Variants in USP32 observed in about 807,000 individuals in gnomAD.
USP32 encodes the protein ubiquitin carboxyl-terminal hydrolase 32.
Under a neutral mutation model 204.8 loss-of-function variants are expected in USP32, and 59 were observed. The ratio of observed to expected loss-of-function variants is 0.29; its 90% confidence interval spans 0.23 to 0.36. The LOEUF is 0.36. USP32 is among the 10% of genes least tolerant of loss of function. USP32 has a pLI of 1.00. For synonymous variants in USP32, 517 were observed against 678.4 expected (o/e 0.76, Z 3.70); for missense variants, 1,160 against 1,946.4 (o/e 0.60, Z 7.60).
chr17:60,368,519 C>T (rs1042771642), intron 1 of USP32, among the ~76,000 whole-genome samples: 4 of 151,292 alleles, frequency 2.6e-5, no homozygotes, highest in South Asian at 2.1e-4. Flanking sequence ...AGGGCCATTG[C>T]GGTTGGGGGG....
At chr17:60,201,045 A>T (rs1394026818) in intron 26 of USP32, among the ~76,000 whole-genome samples, 1 of 152,084 alleles carries the variant, frequency 6.6e-6, no homozygotes, top group East Asian at 1.9e-4. Flanking sequence ...TTCTGTAGAG[A>T]TGGGGTTTCA....
chr17:60,217,818 A>G (rs1296130251), intron 16 of USP32, among the ~76,000 whole-genome samples: 4 of 152,188 alleles, frequency 2.6e-5, no homozygotes, highest in Middle Eastern at 3.4e-3. Context: ...GCTCACCACA[A>G]CCTTGAACTC....
intron 11 of USP32, among the ~76,000 whole-genome samples, chr17:60,240,177 C>T (rs2085840193): frequency 6.6e-6 from 1 of 152,218 alleles, no homozygotes; most frequent in African/African-American, 2.4e-5. Context: ...ATTTCCTCTG[C>T]GAATGGACCA....
chr17:60,396,954 T>C (rs6503965), upstream of USP32, among the ~76,000 whole-genome samples: 46,416 of 152,152 alleles, frequency 0.31, 12,856 homozygotes, highest in African/African-American at 0.74. Context: ...GTCTTATGGA[T>C]AGTACCACCA....
chr17:60,348,258 A>C (rs1241024334), intron 1 of USP32, among the ~76,000 whole-genome samples: 1 of 152,202 alleles, frequency 6.6e-6, no homozygotes, highest in Non-Finnish European at 1.5e-5. Flanking sequence ...AGGAGTCATC[A>C]GTATAGAGGT....
intron 1 of USP32, among the ~76,000 whole-genome samples, chr17:60,370,324 T>G (rs2146084384): frequency 6.6e-6 from 1 of 151,218 alleles, no homozygotes; most frequent in Admixed American, 6.6e-5. Flanking sequence ...ATGGGAAAGG[T>G]TCTACTTTGA....
chr17:60,292,097 G>T (rs542030025), intron 4 of USP32, among the ~76,000 whole-genome samples: 9 of 151,994 alleles, frequency 5.9e-5, no homozygotes, highest in African/African-American at 2.2e-4. Flanking sequence ...ACCTTCCAGG[G>T]TATTTGACAT....
chr17:60,198,051 T>C (rs112463179), intron 27 of USP32, among the ~76,000 whole-genome samples: 3,206 of 152,318 alleles, frequency 0.021, 134 homozygotes, highest in African/African-American at 0.073. Context: ...GAAGGATTAT[T>C]TGACACTAGA....
chr17:60,335,490 T>C (rs887785852), intron 2 of USP32, among the ~76,000 whole-genome samples: 4 of 143,334 alleles, frequency 2.8e-5, no homozygotes, highest in African/African-American at 8.9e-5. Flanking sequence ...AGGTGATTCA[T>C]TGTGGTCTGG....
At chr17:60,345,173 T>A (rs1185124009) in intron 2 of USP32, among the ~76,000 whole-genome samples, 3 of 152,204 alleles carry the variant, frequency 2.0e-5, no homozygotes, top group Non-Finnish European at 4.4e-5. Context: ...AACATAAAAA[T>A]TTTTATGTCA....
intron 1 of USP32, among the ~76,000 whole-genome samples, chr17:60,347,020 C>G (rs1173430451): frequency 1.3e-5 from 2 of 152,106 alleles, no homozygotes; most frequent in African/African-American, 4.8e-5. Context: ...GAAAAAAACA[C>G]AGTGAGATAT....
chr17:60,415,825 TG>T (rs1373977067), intron 1 of USP32, among the ~76,000 whole-genome samples: 1 of 152,052 alleles, frequency 6.6e-6, no homozygotes, highest in Non-Finnish European at 1.5e-5. Flanking sequence ...ATATGCTTGG[TG>T]GTGTTTTTTT....
intron 5 of USP32, among the ~76,000 whole-genome samples, chr17:60,272,622 T>A (rs2086749097): frequency 6.6e-6 from 1 of 152,182 alleles, no homozygotes; most frequent in African/African-American, 2.4e-5. Flanking sequence ...ATAAAACTAT[T>A]TCTAGAAATT....
At chr17:60,364,805 ATTCCATTG>A (rs2089281254) in intron 1 of USP32, among the ~76,000 whole-genome samples, 1 of 152,238 alleles carries the variant, frequency 6.6e-6, no homozygotes, top group Admixed American at 6.5e-5. Flanking sequence ...TTATCCATAA[ATTCCATTG>A]TTCACTAATG....
intron 2 of USP32, among the ~76,000 whole-genome samples, chr17:60,324,187 C>T (rs574060371): frequency 4.0e-5 from 6 of 151,708 alleles, no homozygotes; most frequent in East Asian, 1.9e-4. Flanking sequence ...GAGGCTAAAG[C>T]GGGAAGATTG....
intron 1 of USP32, among the ~76,000 whole-genome samples, chr17:60,391,151 A>C (rs1171133498): frequency 6.6e-6 from 1 of 152,216 alleles, no homozygotes; most frequent in African/African-American, 2.4e-5. Flanking sequence ...ATGCCATTTC[A>C]TGGAGAGGGA....
intron 1 of USP32, among the ~76,000 whole-genome samples, chr17:60,378,756 T>G (rs2146107688): frequency 6.6e-6 from 1 of 152,168 alleles, no homozygotes; most frequent in African/African-American, 2.4e-5. Context: ...GAAAGTAGAA[T>G]AGAGGTTACC....
intron 25 of USP32, among the ~76,000 whole-genome samples, chr17:60,206,003 C>A (rs1354365777): frequency 6.6e-6 from 1 of 152,188 alleles, no homozygotes; most frequent in Non-Finnish European, 1.5e-5. Context: ...AATACAGTAA[C>A]CTCTACCCAG....
chr17:60,413,272 G>T (rs2090032731), intron 1 of USP32, among the ~76,000 whole-genome samples: 1 of 152,070 alleles, frequency 6.6e-6, no homozygotes, highest in African/African-American at 2.4e-5. Flanking sequence ...CACTCACCTG[G>T]CCCAGCAAAA....
Sources: gnomAD v4.1 joint callset for allele counts (sites outside exome capture counted in the v4.1 genomes callset) on GRCh38, gnomAD v4.1.1 for gene constraint, MANE v1.5 for transcripts, NCBI Gene and HGNC (gene_info 2026-07-23, HGNC 2026-07-21) for gene names.